Variants in HMGXB4 observed in about 807,000 individuals in gnomAD.
HMGXB4 encodes the protein HMG domain-containing protein 4.
Under a neutral mutation model 63.9 loss-of-function variants are expected in HMGXB4, and 27 were observed. The observed-to-expected ratio is 0.42, with a 90% CI of 0.31 to 0.58. The LOEUF is 0.58. Ranked by LOEUF, HMGXB4 falls within the 20% of genes least tolerant of loss-of-function variation. The pLI is 0.13. For synonymous variants in HMGXB4, 264 were observed against 265.3 expected (o/e 0.99, Z 0.05); for missense variants, 624 against 700.7 (o/e 0.89, Z 1.24).
chr22:35,276,858 C>T (rs1375076568), intron 5 of HMGXB4, among the ~76,000 whole-genome samples: 1 of 152,180 alleles, frequency 6.6e-6, no homozygotes, highest in African/African-American at 2.4e-5. Context: ...GGTCTTGCTG[C>T]TATTTGTCTG....
At chr22:35,277,926 G>A (rs988468990) in intron 5 of HMGXB4, among the ~76,000 whole-genome samples, 8 of 152,088 alleles carry the variant, frequency 5.3e-5, no homozygotes, top group African/African-American at 9.7e-5. Context: ...CATTCTGTGG[G>A]TTTGGACAAA....
chr22:35,259,392 TG>T (rs1281133881), intron 1 of HMGXB4, among the ~76,000 whole-genome samples: 1 of 152,246 alleles, frequency 6.6e-6, no homozygotes, highest in African/African-American at 2.4e-5. Context: ...GTTTCACATT[TG>T]CCAACATTTA....
Position 35,264,987 on chromosome 22 carries a change from A to C in HMGXB4, c.599A>C (p.Glu200Ala), listed in dbSNP as rs1394853295. 1 of 1,614,094 alleles carries C rather than the reference A, an allele frequency of 6.2e-7. No individual in the cohort carries two copies. The highest frequency in any genetic ancestry group is 8.5e-7 in the Non-Finnish European group (1 of 1,180,006). ...ATGAAACTTATTCTGTCACCAAAGGAGAAGGGAAGCAGCTCTGTTGATGAG... is the reference window on the plus strand; with the variant it reads ...ATGAAACTTATTCTGTCACCAAAGGCGAAGGGAAGCAGCTCTGTTGATGAG... The part of the protein sequence containing the change: ...LKMKLILSPK[E>A]KGSSSVDEES... The change falls in exon 5 of 11, where the codon GAG becomes GCG. Residue 200 changes from glutamate to alanine, a missense_variant. Glu to Ala is a moderately radical substitution (Grantham distance 107, BLOSUM62 -1). Transcript: ENST00000216106.
chr22:35,263,033 C>T, intron 2 of HMGXB4, 45 bp from the exon 3 acceptor site: 1 of 1,588,844 alleles, frequency 6.3e-7, no homozygotes. Flanking sequence ...TCATTACTTA[C>T]TTGACTTTCT....
intron 5 of HMGXB4, among the ~76,000 whole-genome samples, chr22:35,269,968 A>T (rs1290066271): frequency 6.6e-6 from 1 of 151,996 alleles, no homozygotes; most frequent in African/African-American, 2.4e-5. Context: ...ACAGAGCAAG[A>T]CCCTGTCTCT....
Position 35,293,067 on chromosome 22 carries a change from C to G in HMGXB4, c.1714C>G (p.Leu572Val), listed in dbSNP as rs1925024719. Residue 572 changes from leucine to valine, a missense_variant, in exon 10 of 11, where the codon CTC becomes GTC. This residue lies in a region of HMGXB4 where 152 missense variants were observed against 230.1 expected (regional missense o/e 0.66). Coordinates refer to ENST00000216106, the MANE Select transcript of HMGXB4 (RefSeq NM_001003681.3). ...IICALGPLAC[L>V]TTQLPELNGC... ...CTGTGCCCTTGGCCCCTTGGCATGT[C>G]TCACCACACAACTACCTGAATTGAA... The G allele has an allele frequency of 6.2e-7, 1 of 1,614,228 alleles. No individual in the cohort carries two copies. Among genetic ancestry groups the G allele is most frequent in the Non-Finnish European group, 8.5e-7 (1 of 1,180,040 alleles).
chr22:35,246,650 CCT>C, the HMGXB4 span, among the ~76,000 whole-genome samples: 2 of 152,168 alleles, frequency 1.3e-5, no homozygotes, highest in African/African-American at 2.4e-5. Flanking sequence ...TTTGTGTGCC[CCT>C]GTTGGCTCTT....
chr22:35,277,701 T>C (rs1055368010), intron 5 of HMGXB4, among the ~76,000 whole-genome samples: 5 of 152,170 alleles, frequency 3.3e-5, no homozygotes, highest in African/African-American at 1.2e-4. Context: ...TAAGATTTTA[T>C]TTTTTTGCAG....
chr22:35,291,541 T>G (rs1924935639), intron 9 of HMGXB4, among the ~76,000 whole-genome samples: 1 of 152,158 alleles, frequency 6.6e-6, no homozygotes, highest in Non-Finnish European at 1.5e-5. Context: ...AGTCTAGATG[T>G]GACAAAGATA....
chr22:35,282,330 C>T (rs1299244188), intron 5 of HMGXB4, among the ~76,000 whole-genome samples: 1 of 152,162 alleles, frequency 6.6e-6, no homozygotes, highest in Non-Finnish European at 1.5e-5. Flanking sequence ...GCGCCCACCA[C>T]CATGCCCGGC....
chr22:35,289,696 A>G (rs556055497), intron 9 of HMGXB4, among the ~76,000 whole-genome samples: 3 of 152,350 alleles, frequency 2.0e-5, no homozygotes, highest in East Asian at 1.9e-4. Context: ...ATACAGTGCT[A>G]TATGCCCTGG....
Position 35,264,600 on chromosome 22 carries a change from G to A in HMGXB4, c.260-48G>A, listed in dbSNP as rs759101593. On this transcript the variant is annotated intron_variant, in intron 4 of 10. Transcript: ENST00000216106. Reference sequence around the variant, plus strand: ...TTTTGATGAGAGAGGAAACTTGTTAGAAGTTGCTTCCCATCATATTGACAG... The same window carrying A: ...TTTTGATGAGAGAGGAAACTTGTTAAAAGTTGCTTCCCATCATATTGACAG... 3 of 1,343,358 alleles carry A rather than the reference G, an allele frequency of 2.2e-6. No individual in the cohort carries two copies. The East Asian group carries it at 7.0e-5, about 31-fold the overall frequency. The allele number at this position is 1,343,358 out of a possible 1,614,324, so 83.2% of individuals were successfully genotyped here. A position where few individuals can be genotyped will look rare whatever the true frequency, so the allele number is the denominator to read the frequency against.
chr22:35,247,961 T>G, the HMGXB4 span, among the ~76,000 whole-genome samples: 2 of 152,166 alleles, frequency 1.3e-5, no homozygotes, highest in Non-Finnish European at 2.9e-5. Flanking sequence ...GAGAGTGCAC[T>G]TACACAAACC....
intron 5 of HMGXB4, among the ~76,000 whole-genome samples, chr22:35,282,030 G>A (rs1924272397): frequency 6.6e-6 from 1 of 152,198 alleles, no homozygotes; most frequent in Admixed American, 6.5e-5. Context: ...GCTAGGCAGA[G>A]TGCACGATCG....
rs1925096274 is a variant in HMGXB4 at position 35,294,044 on chromosome 22, C to G, written c.*393C>G. ...AGCTCAGTTGGACCTCCAGACCCAT[C>G]ACTGACCATTTGCCTTACCTGTCTT... On this transcript the variant is annotated 3_prime_UTR_variant, in exon 11 of 11. Transcript: ENST00000216106. 6.5e-6 allele frequency: 1 copy of G among 154,588 alleles called. No individual in the cohort carries two copies. The highest frequency in any genetic ancestry group is 6.5e-5 in the Admixed American group (1 of 15,312). 9.6% of individuals were successfully genotyped at this position (154,588 alleles called of 1,614,324 possible).
chr22:35,253,144 A>AAAAAAAAT, upstream of HMGXB4, among the ~76,000 whole-genome samples: 1 of 125,376 alleles, frequency 8.0e-6, no homozygotes, highest in Non-Finnish European at 1.7e-5. Context: ...AAAAAAAAAA[A>AAAAAAAAT]AAAAAAGAAA....
intron 5 of HMGXB4, among the ~76,000 whole-genome samples, chr22:35,268,962 G>A (rs1418664166): frequency 3.3e-5 from 5 of 152,074 alleles, no homozygotes; most frequent in African/African-American, 9.7e-5. Flanking sequence ...TAGAATTAAC[G>A]TCTAAACTCC....
chr22:35,288,392 T>A lies in HMGXB4; in HGVS notation c.1623T>A (p.Arg541=), dbSNP rs1295878791. 134 of 1,599,358 alleles carry A rather than the reference T, an allele frequency of 8.4e-5. No homozygotes were observed. The highest frequency in any genetic ancestry group is 1.1e-4 in the Non-Finnish European group (129 of 1,172,036). The part of the protein sequence containing the change: ...LGESLSLIGH[R]LQETEGMVAV... ...AGTCCCTAAGCCTCATTGGACACCGTCTGCAGGAAACTGAGGTGAATACAA... is the reference window on the plus strand; with the variant it reads ...AGTCCCTAAGCCTCATTGGACACCGACTGCAGGAAACTGAGGTGAATACAA... Residue 541 remains arginine (R), a synonymous_variant, in exon 9 of 11, where the codon CGT becomes CGA. Transcript: ENST00000216106.
rs1049231770 is a variant in HMGXB4, at chr22:35,279,241, G to A, written c.1216-4721G>A. ...GGCTCACCGCAACCTCTGTCTCCTG[G>A]GTTTTCAAGCAATTCTCCTGCCTCA... On this transcript the variant is annotated intron_variant, in intron 5 of 10. Coordinates refer to ENST00000216106, the MANE Select transcript of HMGXB4 (RefSeq NM_001003681.3). Among the ~76,000 whole-genome samples the A allele has an allele frequency of 2.2e-5, 3 of 134,474 alleles. No homozygotes were observed. The South Asian group carries it at 7.5e-4, about 33-fold the overall frequency. 88.2% of individuals were successfully genotyped at this position (134,474 alleles called of 152,430 possible). A position where few individuals can be genotyped will look rare whatever the true frequency, so the allele number is the denominator to read the frequency against.
Sources: gnomAD v4.1 joint callset for allele counts (sites outside exome capture counted in the v4.1 genomes callset) on GRCh38, gnomAD v4.1.1 for gene constraint, gnomAD v4.1.1 regional missense constraint, MANE v1.5 for transcripts, NCBI Gene and HGNC (gene_info 2026-07-23, HGNC 2026-07-21) for gene names.